Variants in KCNJ6 observed in about 807,000 individuals in gnomAD.
KCNJ6 encodes the protein potassium inwardly rectifying channel subfamily J member 6, also known as G protein-activated inward rectifier potassium channel 2.
Under a neutral mutation model 34.2 loss-of-function variants are expected in KCNJ6, and 9 were observed. The ratio of observed to expected loss-of-function variants is 0.26; its 90% CI spans 0.16 to 0.46. The LOEUF (loss-of-function observed/expected upper bound fraction) is 0.46. Among genes scored for constraint, KCNJ6 ranks in the 20% least tolerant of loss-of-function variants. KCNJ6 has a pLI of 1.00. For missense variants in KCNJ6, 236 were observed against 531.3 expected, an observed-to-expected ratio of 0.44 and a Z score of 5.46; for synonymous variants, 196 against 207.1, an observed-to-expected ratio of 0.95 and a Z score of 0.46.
chr21:37,661,795 T>C (rs1450290981), intron 3 of KCNJ6, among the ~76,000 whole-genome samples: 2 of 7,690 alleles, frequency 2.6e-4, no homozygotes, highest in African/African-American at 2.9e-3. Context: ...GCTAATTTTT[T>C]CTATTTTTTT....
chr21:37,823,791 G>A (rs1486396835), intron 2 of KCNJ6, among the ~76,000 whole-genome samples: 2 of 152,104 alleles, frequency 1.3e-5, no homozygotes, highest in Admixed American at 6.5e-5. Context: ...CACCATAGAA[G>A]CAGAGAGTAG....
At chr21:37,753,727 G>A (rs1015121023) in intron 2 of KCNJ6, among the ~76,000 whole-genome samples, 7 of 152,274 alleles carry the variant, frequency 4.6e-5, no homozygotes, top group African/African-American at 1.4e-4. Context: ...TCGAGGGAAC[G>A]CTGTCACTAA....
chr21:37,873,524 A>G (rs905069998), intron 1 of KCNJ6, among the ~76,000 whole-genome samples: 3 of 152,090 alleles, frequency 2.0e-5, no homozygotes, highest in Non-Finnish European at 2.9e-5. Flanking sequence ...AAACACACCA[A>G]CCACAACTAG....
intron 2 of KCNJ6, among the ~76,000 whole-genome samples, chr21:37,770,484 C>A (rs1427170747): frequency 6.6e-6 from 1 of 152,116 alleles, no homozygotes; most frequent in Non-Finnish European, 1.5e-5. Context: ...AATTGGATTG[C>A]TACTACATAA....
chr21:37,629,955 TAAA>T (rs2054326657), intron 3 of KCNJ6, among the ~76,000 whole-genome samples: 1 of 152,200 alleles, frequency 6.6e-6, no homozygotes, highest in South Asian at 2.1e-4. Flanking sequence ...AGTAAAATAT[TAAA>T]AAGTATTTCT....
At chr21:37,777,527 G>A (rs1465735938) in intron 2 of KCNJ6, among the ~76,000 whole-genome samples, 1 of 152,136 alleles carries the variant, frequency 6.6e-6, no homozygotes, top group Non-Finnish European at 1.5e-5. Context: ...CAGACATTGT[G>A]CCATGTTTTC....
chr21:37,896,795 C>T lies in KCNJ6; in HGVS notation c.-28+19089G>A, dbSNP rs1014335273. On this transcript the variant is annotated intron_variant, in intron 1 of 3. Coordinates refer to ENST00000609713, the MANE Select transcript of KCNJ6 (RefSeq NM_002240.5). ...GCCTTTGACAGAGAAGACACCCGGGCCCCAGAGGCAGCGGAGGACCCCAGG... is the reference window on the plus strand; with the variant it reads ...GCCTTTGACAGAGAAGACACCCGGGTCCCAGAGGCAGCGGAGGACCCCAGG... Among the ~76,000 whole-genome samples the T allele has an allele frequency of 1.5e-4, 23 of 152,270 alleles. No homozygotes were observed. In the East Asian group the frequency reaches 4.1e-3, roughly 27 times the overall value.
chr21:37,877,197 C>G (rs2055683124), intron 1 of KCNJ6, among the ~76,000 whole-genome samples: 2 of 152,112 alleles, frequency 1.3e-5, no homozygotes, highest in East Asian at 3.9e-4. Flanking sequence ...CTGATTTAAT[C>G]ACAGTGATAA....
At chr21:37,825,994 G>A (rs566592769) in intron 2 of KCNJ6, among the ~76,000 whole-genome samples, 5 of 152,138 alleles carry the variant, frequency 3.3e-5, no homozygotes, top group Admixed American at 2.0e-4. Context: ...GATTTGGGAG[G>A]GGACACAGCC....
chr21:37,822,947 C>T (rs769862020), intron 2 of KCNJ6, among the ~76,000 whole-genome samples: 4 of 152,160 alleles, frequency 2.6e-5, no homozygotes, highest in Non-Finnish European at 5.9e-5. Flanking sequence ...TCACTTTGAA[C>T]AACTTGTCAT....
chr21:37,730,371 A>C (rs998871343), intron 2 of KCNJ6, among the ~76,000 whole-genome samples: 2 of 152,160 alleles, frequency 1.3e-5, no homozygotes, highest in Non-Finnish European at 2.9e-5. Context: ...CCCAACTCCA[A>C]TCTGCAAGTA....
intron 1 of KCNJ6, among the ~76,000 whole-genome samples, chr21:37,857,245 A>T (rs1427977753): frequency 6.6e-6 from 1 of 152,212 alleles, no homozygotes; most frequent in Non-Finnish European, 1.5e-5. Flanking sequence ...TGTTACATGC[A>T]GCAGAAATTG....
intron 1 of KCNJ6, among the ~76,000 whole-genome samples, chr21:37,865,067 A>G (rs2055615771): frequency 6.6e-6 from 1 of 152,118 alleles, no homozygotes; most frequent in East Asian, 1.9e-4. Flanking sequence ...TATCTTCACT[A>G]TTTAGAGCTA....
chr21:37,655,302 T>G (rs2054458786), intron 3 of KCNJ6, among the ~76,000 whole-genome samples: 1 of 147,902 alleles, frequency 6.8e-6, no homozygotes, highest in Non-Finnish European at 1.5e-5. Context: ...CATGAAGAGG[T>G]AATTGATACC....
intron 1 of KCNJ6, among the ~76,000 whole-genome samples, chr21:37,887,804 T>C (rs2055743070): frequency 6.6e-6 from 1 of 152,186 alleles, no homozygotes; most frequent in Non-Finnish European, 1.5e-5. Flanking sequence ...CCCTTCACCA[T>C]GAAAAATGCC....
chr21:37,845,413 C>T (rs2055501936), intron 1 of KCNJ6, among the ~76,000 whole-genome samples: 1 of 151,760 alleles, frequency 6.6e-6, no homozygotes, highest in Admixed American at 6.6e-5. Context: ...AGAAAGAGAG[C>T]ACATGTATAA....
intron 2 of KCNJ6, among the ~76,000 whole-genome samples, chr21:37,786,689 C>T (rs183710484): frequency 2.6e-5 from 4 of 152,300 alleles, no homozygotes; most frequent in African/African-American, 7.2e-5. Context: ...AGTCTTACAG[C>T]GAGATTCAGC....
intron 2 of KCNJ6, among the ~76,000 whole-genome samples, chr21:37,822,595 T>G (rs1344912793): frequency 1.3e-5 from 2 of 152,208 alleles, no homozygotes; most frequent in Non-Finnish European, 2.9e-5. Context: ...ATATTTTTGT[T>G]GAGAGGATGC....
chr21:37,888,604 A>C (rs184570640), intron 1 of KCNJ6, among the ~76,000 whole-genome samples: 187 of 152,354 alleles, frequency 1.2e-3, no homozygotes, highest in African/African-American at 4.4e-3. Flanking sequence ...AAGGTGGATA[A>C]AATTTGGCAA....
Sources: allele counts gnomAD v4.1 joint callset (sites outside exome capture counted in the v4.1 genomes callset), GRCh38; gene constraint gnomAD v4.1.1; transcripts MANE v1.5; gene names NCBI Gene and HGNC (gene_info 2026-07-23, HGNC 2026-07-21).